The following CDH18 variants were observed in gnomAD, a reference collection of about 807,000 sequenced individuals.
CDH18 encodes the protein cadherin 18.
A neutral mutation model predicts 67.9 loss-of-function variants in CDH18; 31 were observed. That is an observed-to-expected ratio of 0.46 (90% confidence interval 0.34 to 0.62). The LOEUF (loss-of-function observed/expected upper bound fraction) is 0.62. Among genes scored for constraint, CDH18 ranks in the 20% least tolerant of loss-of-function variants. CDH18 has a pLI of 0.01. For synonymous variants in CDH18, 362 were observed against 347.2 expected, an observed-to-expected ratio of 1.04 and a Z score of -0.48; for missense variants, 890 against 975.5, an observed-to-expected ratio of 0.91 and a Z score of 1.17.
chr5:20,459,284 A>G (rs192442957), intron 1 of CDH18, among the ~76,000 whole-genome samples: 1 of 152,162 alleles, frequency 6.6e-6, no homozygotes, highest in Non-Finnish European at 1.5e-5. Flanking sequence ...AGATATTTTT[A>G]TGTTTCCTGT....
At chr5:20,150,261 T>C (rs540442410) in intron 2 of CDH18, among the ~76,000 whole-genome samples, 3 of 152,190 alleles carry the variant, frequency 2.0e-5, no homozygotes, top group African/African-American at 7.2e-5. Flanking sequence ...CTCAATTACC[T>C]GAAAGTCTGC....
chr5:20,336,275 G>C (rs1441382650), intron 1 of CDH18, among the ~76,000 whole-genome samples: 52 of 152,124 alleles, frequency 3.4e-4, no homozygotes, highest in Admixed American at 3.4e-3. Context: ...CCACTCCAGA[G>C]GGGGGAATGA....
Position 19,747,226 on chromosome 5 carries a change from T to C in CDH18, c.239A>G (p.Asn80Ser). Reference sequence around the variant, plus strand: ...GACAGATCCATCACCTTTGTCAGAATTGGAGTGCAGCTGTGAAATACACAT... The same window carrying C: ...GACAGATCCATCACCTTTGTCAGAACTGGAGTGCAGCTGTGAAATACACAT... Reference protein sequence around the residue: ...DPQYVGKLHSNSDKGDGSVKY... With the variant: ...DPQYVGKLHSSSDKGDGSVKY... The change falls in exon 4 of 13, where the codon AAT becomes AGT. Residue 80 changes from asparagine (N) to serine (S), a missense_variant. Physicochemically the swap from Asn to Ser is conservative, Grantham distance 46. This residue lies in a region of CDH18 where 234 missense variants were observed against 307.4 expected (regional missense o/e 0.76). Transcript: ENST00000382275. The C allele has an allele frequency of 2.5e-6, 4 of 1,612,812 alleles. No homozygotes were observed. The highest frequency in any genetic ancestry group is 1.1e-5 in the South Asian group (1 of 91,028).
In CDH18 at chr5:20,172,206, A is replaced by ACG. The variant is rs1561848350; in HGVS notation, c.-518+83237_-518+83238insCG. Among the ~76,000 whole-genome samples the ACG allele has an allele frequency of 3.3e-4, 21 of 63,916 alleles. 1 individual carries two copies. In the East Asian group the frequency reaches 4.1e-3, roughly 12 times the overall value. The allele number at this position is 63,916 out of a possible 152,430, so 41.9% of individuals were successfully genotyped here. A position where few individuals can be genotyped will look rare whatever the true frequency, so the allele number is the denominator to read the frequency against. On this transcript the variant is annotated intron_variant, in intron 2 of 14. Transcript: ENST00000507958. ...GCATTGTGTGTATATATATATATAT[A>ACG]TATATATATATATATATGTATATAT...
At chr5:20,442,192 C>A (rs1242084554) in intron 1 of CDH18, among the ~76,000 whole-genome samples, 1 of 151,760 alleles carries the variant, frequency 6.6e-6, no homozygotes, top group East Asian at 1.9e-4. Context: ...CTTACCACTG[C>A]AATACACTGT....
At chr5:19,968,636 C>A (rs1289659026) in intron 2 of CDH18, among the ~76,000 whole-genome samples, 2 of 146,778 alleles carry the variant, frequency 1.4e-5, no homozygotes, top group Non-Finnish European at 2.9e-5. Context: ...AACTGGCTAG[C>A]CATATGTAGA....
chr5:20,050,372 A>G (rs1459560210), intron 2 of CDH18, among the ~76,000 whole-genome samples: 1 of 151,858 alleles, frequency 6.6e-6, no homozygotes, highest in Admixed American at 6.6e-5. Context: ...GCAGAATATT[A>G]GTGGCAGTTT....
intron 2 of CDH18, among the ~76,000 whole-genome samples, chr5:20,240,599 A>T (rs1307162074): frequency 6.6e-6 from 1 of 152,184 alleles, no homozygotes; most frequent in African/African-American, 2.4e-5. Context: ...TATAGTTCAG[A>T]CATATTTTGA....
Position 20,467,016 on chromosome 5 carries a change from C to T in CDH18, c.-580+108446G>A, listed in dbSNP as rs369713808. Among the ~76,000 whole-genome samples, 5 of 151,964 alleles carry T rather than the reference C, an allele frequency of 3.3e-5. 1 individual carries two copies. In the East Asian group the frequency reaches 5.8e-4, roughly 18 times the overall value. Reference sequence around the variant, plus strand: ...AATGGATAATGTCAGAATTGAAGATCGCCTGGCAACATTTTATAGACTTCA... The same window carrying T: ...AATGGATAATGTCAGAATTGAAGATTGCCTGGCAACATTTTATAGACTTCA... On this transcript the variant is annotated intron_variant, in intron 1 of 14. Coordinates refer to the CDH18 transcript ENST00000507958.
intron 1 of CDH18, chr5:20,304,695 C>G: frequency 6.2e-7 from 1 of 1,611,508 alleles, no homozygotes; most frequent in Non-Finnish European, 8.5e-7. Context: ...CAGATGTCAG[C>G]TCCACCTTCT....
chr5:20,413,015 A>G (rs959187400), intron 1 of CDH18, among the ~76,000 whole-genome samples: 13 of 152,102 alleles, frequency 8.5e-5, no homozygotes, highest in Admixed American at 7.9e-4. Flanking sequence ...CCTGCGTCCA[A>G]GTGTTCTCAT....
chr5:19,495,954 T>C (rs1440061874), intron 11 of CDH18, among the ~76,000 whole-genome samples: 1 of 152,140 alleles, frequency 6.6e-6, no homozygotes, highest in African/African-American at 2.4e-5. Context: ...GGAAGTTTCC[T>C]GGATCTACAA....
At chr5:20,173,424 G>A (rs1430983567) in intron 2 of CDH18, among the ~76,000 whole-genome samples, 5 of 152,140 alleles carry the variant, frequency 3.3e-5, no homozygotes, top group Non-Finnish European at 7.4e-5. Flanking sequence ...CAGACAGAAG[G>A]TTCTGAGTTT....
chr5:20,352,841 G>T (rs969165745), intron 1 of CDH18, among the ~76,000 whole-genome samples: 1 of 151,736 alleles, frequency 6.6e-6, no homozygotes, highest in Non-Finnish European at 1.5e-5. Flanking sequence ...TTTCATTGAT[G>T]ACACTGATGT....
chr5:19,647,455 G>A (rs1968622), intron 5 of CDH18, among the ~76,000 whole-genome samples: 5,935 of 147,700 alleles, frequency 0.04, 319 homozygotes, highest in African/African-American at 0.12. Context: ...ACTTGAACCC[G>A]GGAGGTAGAG....
chr5:20,263,858 T>A (rs944799038), intron 1 of CDH18, among the ~76,000 whole-genome samples: 3 of 152,116 alleles, frequency 2.0e-5, no homozygotes, highest in African/African-American at 7.2e-5. Flanking sequence ...TAGATTTTTT[T>A]AAGGTGTGAG....
chr5:19,826,966 C>T (rs2149975196), intron 3 of CDH18, among the ~76,000 whole-genome samples: 1 of 152,174 alleles, frequency 6.6e-6, no homozygotes. Flanking sequence ...GACTCAACTC[C>T]ACGCAGTCAA....
intron 2 of CDH18, among the ~76,000 whole-genome samples, chr5:20,189,025 C>A (rs1222919374): frequency 6.6e-6 from 1 of 151,988 alleles, no homozygotes; most frequent in Admixed American, 6.6e-5. Context: ...TAGTTTTGAG[C>A]ATGGCAATCC....
chr5:20,095,867 A>C (rs2150569233), intron 2 of CDH18, among the ~76,000 whole-genome samples: 1 of 152,106 alleles, frequency 6.6e-6, no homozygotes, highest in Admixed American at 6.5e-5. Flanking sequence ...AATAAAAAAT[A>C]AAATAATTTA....
Sources: gnomAD v4.1 joint callset for allele counts (sites outside exome capture counted in the v4.1 genomes callset) on GRCh38, gnomAD v4.1.1 for gene constraint, gnomAD v4.1.1 regional missense constraint, MANE v1.5 for transcripts, NCBI Gene and HGNC (gene_info 2026-07-23, HGNC 2026-07-21) for gene names.